Variants in RFLNA observed in about 807,000 individuals in gnomAD.
RFLNA encodes refilin-A.
In RFLNA, 5 loss-of-function variants were observed where a neutral mutation model predicts 7.8. That is an observed-to-expected ratio of 0.64 (90% confidence interval 0.34 to 1.35). The LOEUF (loss-of-function observed/expected upper bound fraction) is 1.35, where lower values mean the gene tolerates loss of function less well. RFLNA is among the 40% of genes most tolerant of loss of function. The pLI is 0.04. For synonymous variants in RFLNA, 141 were observed against 131.3 expected, an observed-to-expected ratio of 1.07 and a Z score of -0.50; for missense variants, 278 against 305.5, an observed-to-expected ratio of 0.91 and a Z score of 0.67.
chr12:124,312,207 AC>A (rs2034258205), intron 2 of RFLNA, among the ~76,000 whole-genome samples: 2 of 151,738 alleles, frequency 1.3e-5, no homozygotes, highest in Admixed American at 1.3e-4. Flanking sequence ...TTCCCCATTT[AC>A]CTTCTCCTCC....
chr12:124,302,727 G>A (rs889364251), intron 1 of RFLNA, among the ~76,000 whole-genome samples: 2 of 151,840 alleles, frequency 1.3e-5, no homozygotes, highest in African/African-American at 2.4e-5. Context: ...TATCCCAGAC[G>A]ATCAAGTTCT....
In RFLNA at chr12:124,315,343, C is replaced by G. The variant is rs1196441561; in HGVS notation, c.*818C>G. On this transcript the variant is annotated 3_prime_UTR_variant, in exon 3 of 3. Transcript: ENST00000546355. ...CCACGCACCACCTCCAGGACGAGAA[C>G]CCTTGATGTCAAAACCAAGTGCCCA... is the stretch of plus-strand genomic sequence containing the variant. 1 of 152,600 alleles carries G rather than the reference C, an allele frequency of 6.6e-6. No individual in the cohort carries two copies. The highest frequency in any genetic ancestry group is 1.5e-5 in the Non-Finnish European group (1 of 68,364). The allele number at this position is 152,600 out of a possible 1,614,324, so 9.5% of individuals were successfully genotyped here. A position where few individuals can be genotyped will look rare whatever the true frequency, so the allele number is the denominator to read the frequency against.
At chr12:124,290,338 A>G (rs920882502), upstream of RFLNA, among the ~76,000 whole-genome samples, 7 of 151,726 alleles carry the variant, frequency 4.6e-5, no homozygotes, top group Non-Finnish European at 7.4e-5. The surrounding 1 kb of genome is among the most constrained non-coding windows in gnomAD (Gnocchi z 4.0). Flanking sequence ...GCATTTGCAT[A>G]TGTGTGTGCA....
intron 1 of RFLNA, among the ~76,000 whole-genome samples, chr12:124,299,719 G>A (rs773950218): frequency 2.1e-4 from 32 of 152,278 alleles, no homozygotes; most frequent in Middle Eastern, 3.4e-3. Flanking sequence ...ATTCCATGGC[G>A]TATATATATA....
At chr12:124,308,164 T>C (rs1030338677) in intron 1 of RFLNA, among the ~76,000 whole-genome samples, 1 of 152,136 alleles carries the variant, frequency 6.6e-6, no homozygotes, top group African/African-American at 2.4e-5. Flanking sequence ...GTATTTTTAG[T>C]AGAGACAGGG....
In RFLNA at chr12:124,307,802, C is replaced by T. The variant is rs535021042; in HGVS notation, c.208-4016C>T. Among the ~76,000 whole-genome samples the T allele has an allele frequency of 2.0e-5, 3 of 152,272 alleles. No individual in the cohort carries two copies. The South Asian group carries it at 6.2e-4, about 32-fold the overall frequency. ...GCCTGAGGAAACAGAACTCTATTCTCGCACAGTTCCGGAGGCCAGAGTTCC... is the reference window on the plus strand; with the variant it reads ...GCCTGAGGAAACAGAACTCTATTCTTGCACAGTTCCGGAGGCCAGAGTTCC... On this transcript the variant is annotated intron_variant, in intron 1 of 2. Coordinates refer to ENST00000546355, the MANE Select transcript of RFLNA (RefSeq NM_001365156.1).
upstream of RFLNA, among the ~76,000 whole-genome samples, chr12:124,292,304 G>A (rs1328159613): frequency 6.6e-6 from 1 of 152,174 alleles, no homozygotes; most frequent in Non-Finnish European, 1.5e-5. Flanking sequence ...TGGGCCTGGA[G>A]CAGACACCCC....
chr12:124,309,766 C>A (rs1450374705), intron 1 of RFLNA, among the ~76,000 whole-genome samples: 2 of 152,188 alleles, frequency 1.3e-5, no homozygotes, highest in Non-Finnish European at 2.9e-5. Flanking sequence ...ATCTCAATGG[C>A]ATCAAAGAGC....
At chr12:124,297,772 G>C (rs902114543) in intron 1 of RFLNA, among the ~76,000 whole-genome samples, 2 of 152,208 alleles carry the variant, frequency 1.3e-5, no homozygotes, top group African/African-American at 4.8e-5. Flanking sequence ...AGAAAGGATT[G>C]CCTGGCGCCC....
chr12:124,307,124 G>A (rs1039341234), intron 1 of RFLNA, among the ~76,000 whole-genome samples: 2 of 152,224 alleles, frequency 1.3e-5, no homozygotes, highest in Non-Finnish European at 2.9e-5. Flanking sequence ...ATCCGCGGGG[G>A]CATCGTGATC....
intron 1 of RFLNA, among the ~76,000 whole-genome samples, chr12:124,310,525 G>GAGCAGGA: frequency 7.0e-6 from 1 of 143,588 alleles, no homozygotes; most frequent in African/African-American, 2.6e-5. Context: ...GGAGGGGGAG[G>GAGCAGGA]TGGACTGCAG....
At position 124,295,120 on chromosome 12, in the gene RFLNA, T is replaced by TCGGGGCTGGGC. The variant is rs528929959; in HGVS notation, c.-306_-296dup. On this transcript the variant is annotated 5_prime_UTR_variant, in exon 1 of 3. Coordinates refer to ENST00000546355, the MANE Select transcript of RFLNA (RefSeq NM_001365156.1). Reference sequence around the variant, plus strand: ...AGAGGGCCGGGCGGCAACGTGCGCCTCGGGGCTGGGCCGGCCTGCGGGATC... The same window carrying TCGGGGCTGGGC: ...AGAGGGCCGGGCGGCAACGTGCGCCTCGGGGCTGGGCCGGGGCTGGGCCGGCCTGCGGGATC... 9.3e-4 allele frequency: 141 copies of TCGGGGCTGGGC among 151,912 alleles called. 3 individuals are homozygous for TCGGGGCTGGGC. In the East Asian group the frequency reaches 0.027, roughly 29 times the overall value. The allele number at this position is 151,912 out of a possible 1,614,324, so 9.4% of individuals were successfully genotyped here.
In RFLNA at chr12:124,295,237, C is replaced by T. The variant is rs1245684116; in HGVS notation, c.-193C>T. The T allele has an allele frequency of 6.5e-6, 1 of 153,128 alleles. No individual in the cohort carries two copies. The highest frequency in any genetic ancestry group is 6.7e-5 in the Admixed American group (1 of 14,846). 9.5% of individuals were successfully genotyped at this position (153,128 alleles called of 1,614,324 possible). A position where few individuals can be genotyped will look rare whatever the true frequency, so the allele number is the denominator to read the frequency against. On this transcript the variant is annotated 5_prime_UTR_variant, in exon 1 of 3. Transcript: ENST00000546355. ...CGGCGGCGCTGGCAGGAGCGCGGCCCACGGCGGCGAGCAGGCTGCAGGCCC... is the reference window on the plus strand; with the variant it reads ...CGGCGGCGCTGGCAGGAGCGCGGCCTACGGCGGCGAGCAGGCTGCAGGCCC...
chr12:124,314,292 G>T lies in RFLNA; in HGVS notation c.418G>T (p.Ala140Ser), dbSNP rs773659789. Residue 140 changes from alanine (A) to serine (S), a missense_variant, in exon 3 of 3, where the codon GCA becomes TCA. Ala to Ser is a moderately conservative substitution (Grantham distance 99). Coordinates refer to ENST00000546355, the MANE Select transcript of RFLNA (RefSeq NM_001365156.1). ...TVTAYSETIV[A>S]APNCTWRNYR... ...CACGGCCTACAGCGAGACCATCGTG[G>T]CAGCACCCAACTGCACGTGGCGCAA... The T allele has an allele frequency of 2.5e-6, 4 of 1,613,562 alleles. No homozygotes were observed. The East Asian group carries it at 8.9e-5, about 36-fold the overall frequency.
At position 124,289,987 on chromosome 12, in the gene RFLNA, C is replaced by T. The variant is rs2033793195; in HGVS notation, c.-37+617C>T. The stretch of plus-strand genomic sequence containing the variant: ...CAGCTCAGACAGGGCCTGTAAGGAG[C>T]GTGTGATCAAGAAGCCACTCTTCTT... On this transcript the variant is annotated intron_variant, in intron 1 of 2. Coordinates refer to the RFLNA transcript ENST00000324038. This position sits in a 1 kb window ranked among gnomAD's most constrained non-coding sequence, Gnocchi z 5.0. Among the ~76,000 whole-genome samples, 1 of 152,176 alleles carries T rather than the reference C, an allele frequency of 6.6e-6. No individual in the cohort carries two copies. The highest frequency in any genetic ancestry group is 1.5e-5 in the Non-Finnish European group (1 of 68,024).
At chr12:124,293,882 C>G (rs183250563), upstream of RFLNA, among the ~76,000 whole-genome samples, 1 of 152,290 alleles carries the variant, frequency 6.6e-6, no homozygotes, top group East Asian at 1.9e-4. Flanking sequence ...CTTTGAAAAT[C>G]GCCTCCTCCA....
At position 124,295,366 on chromosome 12, in the gene RFLNA, GC is replaced by G; in HGVS notation, c.-60del. The G allele has an allele frequency of 3.9e-6, 4 of 1,022,908 alleles. No homozygotes were observed. The highest frequency in any genetic ancestry group is 5.0e-6 in the Non-Finnish European group (4 of 801,510). The allele number at this position is 1,022,908 out of a possible 1,614,324, so 63.4% of individuals were successfully genotyped here. A position where few individuals can be genotyped will look rare whatever the true frequency, so the allele number is the denominator to read the frequency against. On this transcript the variant is annotated 5_prime_UTR_variant, in exon 1 of 3. Coordinates refer to ENST00000546355, the MANE Select transcript of RFLNA (RefSeq NM_001365156.1). ...CTCGCCCCGCCGCCGCCTGCCCCGG[GC>G]CCCGGAGCGCGGTGGAGAAGCCCCC...
chr12:124,296,118 TTCTTTC>T (rs1451307088), intron 1 of RFLNA, among the ~76,000 whole-genome samples: 1 of 3,640 alleles, frequency 2.7e-4, no homozygotes, highest in African/African-American at 2.9e-4. Context: ...CTTTCTTTCT[TTCTTTC>T]TCTCTCTCTC....
Position 124,314,517 on chromosome 12 carries a change from A to G in RFLNA, c.643A>G (p.Thr215Ala). The stretch of plus-strand genomic sequence containing the variant: ...TGCCCCCAGCCTCCTGGGCCCTGCC[A>G]CGCTCTGACGGGGCTGGGGCCGGCC... ...DPAPSLLGPA[T>A]L The change falls in exon 3 of 3, where the codon ACG (threonine) becomes GCG (alanine). Residue 215 changes from threonine (T) to alanine (A), a missense_variant. Transcript: ENST00000546355. 1.3e-6 allele frequency: 2 copies of G among 1,578,950 alleles called. No individual in the cohort carries two copies. The highest frequency in any genetic ancestry group is 2.2e-5 in the South Asian group (2 of 89,400).
Sources: gnomAD v4.1 joint callset for allele counts (sites outside exome capture counted in the v4.1 genomes callset) on GRCh38, gnomAD v4.1.1 for gene constraint, Gnocchi (gnomAD v3.1) non-coding constraint, MANE v1.5 for transcripts, NCBI Gene and HGNC (gene_info 2026-07-23, HGNC 2026-07-21) for gene names.